TRIM34: variants seen among roughly 807,000 people sequenced by gnomAD.
TRIM34 encodes the protein E3 ubiquitin-protein ligase TRIM34.
A neutral mutation model predicts 38.1 loss-of-function variants in TRIM34; 41 were observed. The ratio of observed to expected loss-of-function variants is 1.08; its 90% confidence interval spans 0.84 to 1.40. The LOEUF (loss-of-function observed/expected upper bound fraction) is 1.40. Ranked by LOEUF, TRIM34 falls within the 40% of genes most tolerant of loss-of-function variation. TRIM34 has a pLI of 0.00. For missense variants in TRIM34, 556 were observed against 571.4 expected (o/e 0.97, Z 0.27); for synonymous variants, 200 against 202.5 (o/e 0.99, Z 0.10).
In TRIM34 at chr11:5,634,747, G is replaced by T. The variant is rs376140381; in HGVS notation, c.636G>T (p.Thr212=). Residue 212 remains threonine, a synonymous_variant, in exon 4 of 8, where the codon ACG becomes ACT. Coordinates refer to ENST00000429814, the MANE Select transcript of TRIM34 (RefSeq NM_021616.6). Reference sequence around the variant, plus strand: ...GATTGGAAGAAGAAGAAAAGAAGACGCTGGATAAGTTTGCAGAGGCTGAGG... The same window carrying T: ...GATTGGAAGAAGAAGAAAAGAAGACTCTGGATAAGTTTGCAGAGGCTGAGG... ...LQRLEEEEKK[T]LDKFAEAEDE... 3.1e-6 allele frequency: 5 copies of T among 1,614,074 alleles called. No individual in the cohort carries two copies. The highest frequency in any genetic ancestry group is 4.2e-6 in the Non-Finnish European group (5 of 1,179,988).
chr11:5,637,853 T>C (rs1160207200), intron 4 of TRIM34, among the ~76,000 whole-genome samples: 1 of 152,250 alleles, frequency 6.6e-6, no homozygotes, highest in African/African-American at 2.4e-5. Flanking sequence ...ATATTTGTCC[T>C]ACAGGTTTCT....
Position 5,632,617 on chromosome 11 carries a change from C to A in TRIM34, c.286C>A (p.Leu96Ile). The A allele has an allele frequency of 2.5e-6, 4 of 1,613,270 alleles. No homozygotes were observed. Among genetic ancestry groups the A allele is most frequent in the Non-Finnish European group, 3.4e-6 (4 of 1,179,854 alleles). Residue 96 changes from leucine to isoleucine, a missense_variant, in exon 2 of 8, where the codon CTC (leucine) becomes ATC (isoleucine). Coordinates refer to ENST00000429814, the MANE Select transcript of TRIM34 (RefSeq NM_021616.6). ...CCCAGACAATGGGAAGAAGAGAGAT[C>A]TCTGTGATCATCATGGAGAGAAACT... ...LSPDNGKKRDLCDHHGEKLLL... is the reference protein window; with the variant it reads ...LSPDNGKKRDICDHHGEKLLL...
Position 5,634,726 on chromosome 11 carries a change from G to T in TRIM34, c.615G>T (p.Leu205Phe), listed in dbSNP as rs185832700. 1 of 1,614,048 alleles carries T rather than the reference G, an allele frequency of 6.2e-7. No homozygotes were observed. The highest frequency in any genetic ancestry group is 1.7e-5 in the Admixed American group (1 of 60,022). Reference sequence around the variant, plus strand: ...AGGAGCAGAGAGAGCTGCAAAGATTGGAAGAAGAAGAAAAGAAGACGCTGG... The same window carrying T: ...AGGAGCAGAGAGAGCTGCAAAGATTTGAAGAAGAAGAAAAGAAGACGCTGG... ...NNEEQRELQR[L>F]EEEEKKTLDK... The change falls in exon 4 of 8, where the codon TTG (leucine) becomes TTT (phenylalanine). Residue 205 changes from leucine to phenylalanine, a missense_variant. By Grantham distance (22) the Leu-to-Phe change is conservative. Coordinates refer to ENST00000429814, the MANE Select transcript of TRIM34 (RefSeq NM_021616.6).
At chr11:5,621,832 C>A (rs1462117733), upstream of TRIM34, among the ~76,000 whole-genome samples, 1 of 152,052 alleles carries the variant, frequency 6.6e-6, no homozygotes, top group East Asian at 1.9e-4. Flanking sequence ...CCTGGAAGCC[C>A]CCTCCCTGCT....
At chr11:5,640,494 C>A (rs1590185021) in intron 4 of TRIM34, among the ~76,000 whole-genome samples, 1 of 140,184 alleles carries the variant, frequency 7.1e-6, no homozygotes. Flanking sequence ...TTCTACTTGG[C>A]CATCAGGTAT....
At chr11:5,633,367 G>A (rs1037889123) in intron 2 of TRIM34, among the ~76,000 whole-genome samples, 3 of 151,966 alleles carry the variant, frequency 2.0e-5, no homozygotes, top group African/African-American at 7.3e-5. Flanking sequence ...CATAACAGAT[G>A]ATCCTAGAGT....
chr11:5,631,383 A>G (rs981590128), intron 1 of TRIM34, among the ~76,000 whole-genome samples: 2 of 152,214 alleles, frequency 1.3e-5, no homozygotes, highest in Non-Finnish European at 2.9e-5. Flanking sequence ...TGAGGGTATT[A>G]TGTTCACTCC....
rs367550301 is a variant in TRIM34 at position 5,637,917 on chromosome 11, T to C, written c.750+3056T>C. On this transcript the variant is annotated intron_variant, in intron 4 of 7. Coordinates refer to ENST00000429814, the MANE Select transcript of TRIM34 (RefSeq NM_021616.6). ...TTTGGGCTACATGGTACTCATTATT[T>C]TTGTTTCGTCAATATCCATTCCCCA... Among the ~76,000 whole-genome samples the C allele has an allele frequency of 5.9e-5, 9 of 152,348 alleles. No homozygotes were observed. In the South Asian group the frequency reaches 1.9e-3, roughly 32 times the overall value.
intron 4 of TRIM34, among the ~76,000 whole-genome samples, chr11:5,639,425 AAT>A (rs1226642890): frequency 2.0e-5 from 3 of 152,092 alleles, no homozygotes; most frequent in Admixed American, 2.0e-4. Context: ...TCACACCTGT[AAT>A]CCCAGCACTT....
At position 5,630,980 on chromosome 11, in the gene TRIM34, C is replaced by A. The variant is rs74342826; in HGVS notation, c.-77-1275C>A. ...ATTCAATTAGTGGATGTGGATTTAA[C>A]ACAGACAGAACTTCATCGCTCCTAA... is the stretch of plus-strand genomic sequence containing the variant. On this transcript the variant is annotated intron_variant, in intron 1 of 7. Transcript: ENST00000429814. 6.0e-4 allele frequency among the ~76,000 whole-genome samples: 92 copies of A among 152,316 alleles called. No individual in the cohort carries two copies. The East Asian group carries it at 0.016, about 26-fold the overall frequency.
chr11:5,642,819 C>T lies in TRIM34; in HGVS notation c.877C>T (p.Leu293=). 6.2e-7 allele frequency: 1 copy of T among 1,613,988 alleles called. No individual in the cohort carries two copies. Among genetic ancestry groups the T allele is most frequent in the Non-Finnish European group, 8.5e-7 (1 of 1,179,948 alleles). ...CACTGAATCTTTTATTATTTCAGAA[C>T]TGACAGCTGTCCGGTGCTACTGGGG... ...LSRMLQMFRE[L]TAVRCYWVDV... Residue 293 remains leucine (L), a splice_region_variant and synonymous_variant, in exon 7 of 8, where the codon CTG becomes TTG. Coordinates refer to ENST00000429814, the MANE Select transcript of TRIM34 (RefSeq NM_021616.6).
chr11:5,628,713 C>A (rs954621333), intron 1 of TRIM34, among the ~76,000 whole-genome samples: 1 of 152,072 alleles, frequency 6.6e-6, no homozygotes, highest in African/African-American at 2.4e-5. Context: ...ACTGTTGTAA[C>A]CAATTATCAC....
In TRIM34 at chr11:5,632,597, A is replaced by T; in HGVS notation, c.266A>T (p.Asp89Val). The T allele has an allele frequency of 6.2e-7, 1 of 1,613,746 alleles. No homozygotes were observed. ...CTCAAGGAGGTCAAGTTGAGCCCAG[A>T]CAATGGGAAGAAGAGAGATCTCTGT... ...ERLKEVKLSP[D>V]NGKKRDLCDH... The change falls in exon 2 of 8, where the codon GAC becomes GTC. Residue 89 changes from aspartate to valine, a missense_variant. Physicochemically the swap from Asp to Val is radical, Grantham distance 152. Transcript: ENST00000429814.
At chr11:5,628,670 A>G (rs1009723397) in intron 1 of TRIM34, among the ~76,000 whole-genome samples, 5 of 152,318 alleles carry the variant, frequency 3.3e-5, no homozygotes, top group Admixed American at 3.3e-4. Flanking sequence ...TTCTTTCACT[A>G]TCAAACCTGT....
rs777853481 is a variant in TRIM34 at position 5,632,288 on chromosome 11, G to C, written c.-44G>C. 2.5e-6 allele frequency: 4 copies of C among 1,612,934 alleles called. No homozygotes were observed. The South Asian group carries it at 3.3e-5, about 13-fold the overall frequency. ...GGGTCTTTAACCAGAAGAGAGAGGA[G>C]AGCCTCAGGAGTTAGGACCAGAAGA... On this transcript the variant is annotated 5_prime_UTR_variant, in exon 2 of 8. Coordinates refer to ENST00000429814, the MANE Select transcript of TRIM34 (RefSeq NM_021616.6).
intron 1 of TRIM34, among the ~76,000 whole-genome samples, chr11:5,626,390 C>T (rs1389857490): frequency 6.6e-6 from 1 of 152,152 alleles, no homozygotes; most frequent in East Asian, 1.9e-4. Context: ...AGGGTAATGA[C>T]TCTGTAAAGA....
Position 5,643,125 on chromosome 11 carries a change from A to ATATATATAGATT in TRIM34, c.902-18_902-17insATATATAGATTT. On this transcript the variant is annotated intron_variant, in intron 7 of 7. Transcript: ENST00000429814. ...ATTATATTCATATACATATATATAT[A>ATATATATAGATT]TTTTTTTTTTTCTTGCAGTGGATGT... 1.0e-6 allele frequency: 1 copy of ATATATATAGATT among 974,266 alleles called. No individual in the cohort carries two copies. The highest frequency in any genetic ancestry group is 1.3e-6 in the Non-Finnish European group (1 of 761,754). The allele number at this position is 974,266 out of a possible 1,614,324, so 60.4% of individuals were successfully genotyped here. A position where few individuals can be genotyped will look rare whatever the true frequency, so the allele number is the denominator to read the frequency against.
chr11:5,623,847 T>C (rs930561625), upstream of TRIM34, among the ~76,000 whole-genome samples: 2 of 152,200 alleles, frequency 1.3e-5, no homozygotes, highest in Admixed American at 1.3e-4. Flanking sequence ...TTGATCACCA[T>C]GCATGAGTCA....
intron 1 of TRIM34, 47 bp from the exon 2 acceptor site, chr11:5,632,208 C>CT: frequency 2.0e-6 from 3 of 1,526,276 alleles, no homozygotes; most frequent in Non-Finnish European, 2.6e-6. Flanking sequence ...AATTAGAATG[C>CT]TTTTTATTTG....
Sources: allele counts gnomAD v4.1 joint callset (sites outside exome capture counted in the v4.1 genomes callset), GRCh38; gene constraint gnomAD v4.1.1; transcripts MANE v1.5; gene names NCBI Gene and HGNC (gene_info 2026-07-23, HGNC 2026-07-21).